The following RIT2 variants were observed in gnomAD, a reference collection of about 807,000 sequenced individuals.
RIT2 encodes the protein Ras like without CAAX 2, also known as GTP-binding protein Rit2.
RIT2 carries 24 observed loss-of-function variants against 23.7 expected under a neutral mutation model. That is an observed-to-expected ratio of 1.01 (90% CI 0.73 to 1.43). The LOEUF (loss-of-function observed/expected upper bound fraction) is 1.43. RIT2 is among the 40% of genes most tolerant of loss of function. The pLI is 0.00. For missense variants in RIT2, 236 were observed against 266.9 expected, an observed-to-expected ratio of 0.88 and a Z score of 0.81; for synonymous variants, 107 against 91.1, an observed-to-expected ratio of 1.17 and a Z score of -0.99.
intron 4 of RIT2, among the ~76,000 whole-genome samples, chr18:42,765,030 C>T (rs1238411114): frequency 6.6e-6 from 1 of 152,138 alleles, no homozygotes; most frequent in Non-Finnish European, 1.5e-5. Flanking sequence ...TTCTCTGAGC[C>T]TATATTTTCT....
At chr18:43,107,423 G>A (rs975409375) in intron 1 of RIT2, among the ~76,000 whole-genome samples, 1 of 152,018 alleles carries the variant, frequency 6.6e-6, no homozygotes, top group Non-Finnish European at 1.5e-5. Context: ...AGGCGTGCAC[G>A]CGTGCGTGCA....
At chr18:42,910,385 C>T (rs1164550659) in intron 4 of RIT2, among the ~76,000 whole-genome samples, 11 of 152,030 alleles carry the variant, frequency 7.2e-5, no homozygotes, top group Non-Finnish European at 1.6e-4. Context: ...GGACAGCAGG[C>T]AGGGAAATAC....
At chr18:42,987,473 G>A (rs1362845952) in intron 2 of RIT2, among the ~76,000 whole-genome samples, 7 of 152,064 alleles carry the variant, frequency 4.6e-5, no homozygotes, top group East Asian at 1.9e-4. Flanking sequence ...AAAAGTTATC[G>A]TTACTACTCT....
intron 2 of RIT2, among the ~76,000 whole-genome samples, chr18:43,007,474 G>A (rs2144249934): frequency 6.6e-6 from 1 of 151,802 alleles, no homozygotes; most frequent in South Asian, 2.1e-4. Flanking sequence ...TCACCATTTT[G>A]TGCTGAGACA....
chr18:43,023,480 T>A (rs1911642634), intron 2 of RIT2, among the ~76,000 whole-genome samples: 2 of 152,080 alleles, frequency 1.3e-5, no homozygotes, highest in Non-Finnish European at 2.9e-5. Context: ...GCTAAGGATA[T>A]CAAAATATTC....
At chr18:42,961,447 C>T (rs1910091415) in intron 3 of RIT2, among the ~76,000 whole-genome samples, 1 of 152,196 alleles carries the variant, frequency 6.6e-6, no homozygotes, top group South Asian at 2.1e-4. Context: ...ACTGTGGACT[C>T]TTATCAAGAC....
At chr18:42,814,152 G>A (rs763753287) in intron 4 of RIT2, among the ~76,000 whole-genome samples, 1 of 152,204 alleles carries the variant, frequency 6.6e-6, no homozygotes, top group Non-Finnish European at 1.5e-5. Context: ...CTGGGAAAAG[G>A]CCGCAGGGAA....
At chr18:42,954,708 C>A (rs1909932670) in intron 3 of RIT2, among the ~76,000 whole-genome samples, 1 of 152,040 alleles carries the variant, frequency 6.6e-6, no homozygotes, top group Admixed American at 6.6e-5. Context: ...TTTGTACATA[C>A]AACGTAGCCT....
At chr18:43,079,059 A>G (rs928963528) in intron 1 of RIT2, among the ~76,000 whole-genome samples, 2 of 152,228 alleles carry the variant, frequency 1.3e-5, no homozygotes, top group African/African-American at 2.4e-5. Context: ...ATCAAAGATA[A>G]TTTGTTTCAT....
chr18:42,950,412 A>C (rs554199775), intron 3 of RIT2, among the ~76,000 whole-genome samples: 1 of 152,128 alleles, frequency 6.6e-6, no homozygotes, highest in Admixed American at 6.6e-5. Flanking sequence ...TGAAAGATTT[A>C]AATGTAAGAC....
chr18:42,808,428 T>C (rs1598662397), intron 4 of RIT2, among the ~76,000 whole-genome samples: 2 of 152,128 alleles, frequency 1.3e-5, no homozygotes, highest in Admixed American at 6.5e-5. Flanking sequence ...CCCCATCCTA[T>C]TGTTAAAGGG....
At chr18:42,919,753 G>A (rs1466979797) in intron 4 of RIT2, among the ~76,000 whole-genome samples, 2 of 151,796 alleles carry the variant, frequency 1.3e-5, no homozygotes, top group Non-Finnish European at 2.9e-5. Context: ...GACATAAAAC[G>A]TTCTAACCTA....
At chr18:42,748,428 A>G (rs1912970056) in intron 4 of RIT2, among the ~76,000 whole-genome samples, 1 of 151,904 alleles carries the variant, frequency 6.6e-6, no homozygotes, top group Non-Finnish European at 1.5e-5. Flanking sequence ...ATCAAAAAAA[A>G]ACAAACAATA....
At chr18:42,918,470 A>G (rs932185027) in intron 4 of RIT2, among the ~76,000 whole-genome samples, 4 of 152,182 alleles carry the variant, frequency 2.6e-5, no homozygotes, top group Non-Finnish European at 4.4e-5. Flanking sequence ...CAAAATAATG[A>G]GTAAATTACC....
chr18:43,064,343 G>T (rs9959684), intron 1 of RIT2, among the ~76,000 whole-genome samples: 16,117 of 152,186 alleles, frequency 0.11, 914 homozygotes, highest in Non-Finnish European at 0.12. Flanking sequence ...TTTCAGAAGA[G>T]AGTTAAGTAC....
At chr18:42,870,367 C>T (rs749585494) in intron 4 of RIT2, among the ~76,000 whole-genome samples, 15 of 151,986 alleles carry the variant, frequency 9.9e-5, no homozygotes, top group African/African-American at 1.4e-4. Flanking sequence ...CAGCCTCCCA[C>T]GTAGCTGGGA....
intron 4 of RIT2, among the ~76,000 whole-genome samples, chr18:42,906,703 C>T (rs1475856629): frequency 6.6e-6 from 1 of 152,178 alleles, no homozygotes; most frequent in Admixed American, 6.5e-5. Context: ...AAATGACATA[C>T]ATCATTAATT....
intron 1 of RIT2, among the ~76,000 whole-genome samples, chr18:43,093,282 C>T (rs924975499): frequency 1.3e-5 from 2 of 152,032 alleles, no homozygotes; most frequent in African/African-American, 4.8e-5. Context: ...GAAAAATGCT[C>T]ATTTCCCTGA....
At chr18:42,821,203 C>T (rs1256639708) in intron 4 of RIT2, among the ~76,000 whole-genome samples, 1 of 151,896 alleles carries the variant, frequency 6.6e-6, no homozygotes, top group Non-Finnish European at 1.5e-5. Context: ...AAATACAGAC[C>T]CTGATAGAGA....
Sources: gnomAD v4.1 joint callset for allele counts (sites outside exome capture counted in the v4.1 genomes callset) on GRCh38, gnomAD v4.1.1 for gene constraint, MANE v1.5 for transcripts, NCBI Gene and HGNC (gene_info 2026-07-23, HGNC 2026-07-21) for gene names.